PXMP2: variants seen among roughly 807,000 people sequenced by gnomAD.
PXMP2 encodes the protein peroxisomal membrane protein 2.
PXMP2 carries 13 observed loss-of-function variants against 20.2 expected under a neutral mutation model. The ratio of observed to expected loss-of-function variants is 0.64; its 90% CI spans 0.42 to 1.02. The LOEUF (loss-of-function observed/expected upper bound fraction) is 1.02, where lower values mean the gene tolerates loss of function less well. Ranked by LOEUF, PXMP2 falls within the 50% of genes least tolerant of loss-of-function variation. The pLI, the probability that PXMP2 is intolerant of heterozygous loss-of-function variation, is 0.00. For synonymous variants in PXMP2, 113 were observed against 111.2 expected (o/e 1.02, Z -0.10); for missense variants, 284 against 251.8 (o/e 1.13, Z -0.87).
In PXMP2 at chr12:132,701,266, C is replaced by T. The variant is rs1467836509; in HGVS notation, c.416C>T (p.Ala139Val). Residue 139 changes from alanine to valine, a missense_variant, in exon 4 of 5, where the codon GCC (alanine) becomes GTC (valine). Coordinates refer to ENST00000317479, the MANE Select transcript of PXMP2 (RefSeq NM_018663.3). The stretch of plus-strand genomic sequence containing the variant: ...CCTTTGCAGGGGAAAGACGCCTCAG[C>T]CTTCGCCGCCAAGATGAGGGGGGGC... ...MNFLEGKDAS[A>V]FAAKMRGGFW... The T allele has an allele frequency of 1.2e-5, 20 of 1,613,434 alleles. No homozygotes were observed. The highest frequency in any genetic ancestry group is 1.7e-5 in the Admixed American group (1 of 59,870).
At position 132,692,344 on chromosome 12, in the gene PXMP2, C is replaced by T. The variant is rs1423977088; in HGVS notation, c.236+1968C>T. Reference sequence around the variant, plus strand: ...CCCTTAGCCAGTTAGTTAGTGAGCGCCCTTAGCCAGTTAGTTAGTGAGCTC... The same window carrying T: ...CCCTTAGCCAGTTAGTTAGTGAGCGTCCTTAGCCAGTTAGTTAGTGAGCTC... On this transcript the variant is annotated intron_variant, in intron 2 of 4. Coordinates refer to ENST00000317479, the MANE Select transcript of PXMP2 (RefSeq NM_018663.3). 9.6e-5 allele frequency among the ~76,000 whole-genome samples: 12 copies of T among 124,988 alleles called. 1 individual carries two copies. The highest frequency in any genetic ancestry group is 3.9e-4 in the Admixed American group (5 of 12,982). The allele number at this position is 124,988 out of a possible 152,430, so 82.0% of individuals were successfully genotyped here.
chr12:132,704,731 G>T lies in PXMP2; in HGVS notation c.*44G>T. On this transcript the variant is annotated 3_prime_UTR_variant, in exon 5 of 5. Transcript: ENST00000317479. Reference sequence around the variant, plus strand: ...CAGGTGCACTGTGGACGTGGGTCTGGGGGTCTCACCCGCCCAGCGAGAGCA... The same window carrying T: ...CAGGTGCACTGTGGACGTGGGTCTGTGGGTCTCACCCGCCCAGCGAGAGCA... The T allele has an allele frequency of 6.3e-7, 1 of 1,577,514 alleles. No individual in the cohort carries two copies. Among genetic ancestry groups the T allele is most frequent in the Non-Finnish European group, 8.7e-7 (1 of 1,152,840 alleles).
intron 3 of PXMP2, among the ~76,000 whole-genome samples, chr12:132,697,726 C>T (rs1423140200): frequency 2.6e-5 from 4 of 151,994 alleles, no homozygotes; most frequent in African/African-American, 7.3e-5. Context: ...TTATAGATTA[C>T]AAAACATTCT....
chr12:132,703,127 G>A (rs1593110542), intron 4 of PXMP2, among the ~76,000 whole-genome samples: 1 of 152,176 alleles, frequency 6.6e-6, no homozygotes, highest in East Asian at 1.9e-4. Flanking sequence ...CACAAGTCTA[G>A]AACATGCTCT....
intron 2 of PXMP2, among the ~76,000 whole-genome samples, chr12:132,692,590 C>T (rs1485114976): frequency 2.1e-5 from 3 of 140,782 alleles, no homozygotes; most frequent in African/African-American, 5.5e-5. Context: ...TAGTGAGCGC[C>T]CTTGCCAGTT....
At position 132,696,807 on chromosome 12, in the gene PXMP2, A is replaced by AAAAAC. The variant is rs1358190007; in HGVS notation, c.399+775_399+779dup. 1.3e-5 allele frequency among the ~76,000 whole-genome samples: 2 copies of AAAAAC among 151,998 alleles called. No individual in the cohort carries two copies. Among genetic ancestry groups the AAAAAC allele is most frequent in the Non-Finnish European group, 1.5e-5 (1 of 67,958 alleles). ...AGAGCCAGACTCCGTCTCAAAAACA[A>AAAAAC]AAAACAAAACAAAACAAATTAGCCA... On this transcript the variant is annotated intron_variant, in intron 3 of 4. Transcript: ENST00000317479. This position sits in a 1 kb window ranked among gnomAD's most constrained non-coding sequence, Gnocchi z 4.4.
chr12:132,692,877 T>TA (rs1258482745), intron 2 of PXMP2, among the ~76,000 whole-genome samples: 7 of 85,268 alleles, frequency 8.2e-5, no homozygotes, highest in African/African-American at 2.7e-4. Flanking sequence ...TGAGCTCCCT[T>TA]GCCAGTTAGT....
intron 2 of PXMP2, among the ~76,000 whole-genome samples, chr12:132,691,852 A>G (rs1207712099): frequency 6.6e-6 from 1 of 152,272 alleles, no homozygotes; most frequent in African/African-American, 2.4e-5. Flanking sequence ...ATGGAACTGC[A>G]GGCCTCTTGT....
intron 3 of PXMP2, among the ~76,000 whole-genome samples, chr12:132,700,863 T>C (rs1478945070): frequency 6.6e-6 from 1 of 151,616 alleles, no homozygotes; most frequent in Non-Finnish European, 1.5e-5. Flanking sequence ...TTTTTTTTTT[T>C]CATAACTCCT....
chr12:132,687,875 C>T lies in PXMP2; in HGVS notation c.122+83C>T, dbSNP rs1008901470. ...CGGGGCCTGGACGGGAGCGCCGGGC[C>T]GGGACCAGGCTGGGGGCGCGCCCGG... On this transcript the variant is annotated intron_variant, in intron 1 of 4. Transcript: ENST00000317479. 5 of 1,079,660 alleles carry T rather than the reference C, an allele frequency of 4.6e-6. No homozygotes were observed. In the African/African-American group the frequency reaches 5.1e-5, roughly 11 times the overall value. The allele number at this position is 1,079,660 out of a possible 1,614,324, so 66.9% of individuals were successfully genotyped here. A position where few individuals can be genotyped will look rare whatever the true frequency, so the allele number is the denominator to read the frequency against.
intron 2 of PXMP2, among the ~76,000 whole-genome samples, chr12:132,695,070 A>T (rs2043403002): frequency 6.7e-6 from 1 of 149,540 alleles, no homozygotes; most frequent in Non-Finnish European, 1.5e-5. Flanking sequence ...CTTGCCAGTT[A>T]GTTAGTGAGC....
intron 4 of PXMP2, 45 bp downstream of exon 4, chr12:132,701,414 C>T: frequency 6.2e-7 from 1 of 1,600,398 alleles, no homozygotes. Context: ...ACTTTGTCAG[C>T]CTTTTCCTTC....
intron 4 of PXMP2, chr12:132,702,285 G>A (rs1593110209): frequency 1.2e-5 from 2 of 168,446 alleles, no homozygotes; most frequent in East Asian, 1.9e-4. Flanking sequence ...AAGGCCTTCT[G>A]GGTAAGCTGA....
chr12:132,692,016 G>C (rs2043370201), intron 2 of PXMP2, among the ~76,000 whole-genome samples: 1 of 151,154 alleles, frequency 6.6e-6, no homozygotes, highest in East Asian at 1.9e-4. Flanking sequence ...ACCCTTGCCA[G>C]TTAGTTAGTG....
At chr12:132,690,168 T>C in intron 1 of PXMP2, 95 bp from the exon 2 acceptor site, 1 of 924,696 alleles carries the variant, frequency 1.1e-6, no homozygotes, top group Non-Finnish European at 1.7e-6. Context: ...GCCCATCTGC[T>C]GCATGGCCTC....
Position 132,694,802 on chromosome 12 carries a change from CAGTT to C in PXMP2, c.237-1074_237-1071del, listed in dbSNP as rs200210036. On this transcript the variant is annotated intron_variant, in intron 2 of 4. Coordinates refer to ENST00000317479, the MANE Select transcript of PXMP2 (RefSeq NM_018663.3). ...CCAGTTAGTTAGTGAGCGCCCTTGC[CAGTT>C]AGTTAGTGAGCGCCCTTAGCCAGTT... 1.9e-3 allele frequency among the ~76,000 whole-genome samples: 272 copies of C among 143,648 alleles called. 1 individual carries two copies. The highest frequency in any genetic ancestry group is 4.0e-3 in the Admixed American group (56 of 13,916). 94.2% of individuals were successfully genotyped at this position (143,648 alleles called of 152,430 possible).
At chr12:132,697,393 T>TTTTTTTTA (rs2043416363) in intron 3 of PXMP2, among the ~76,000 whole-genome samples, 1 of 150,018 alleles carries the variant, frequency 6.7e-6, no homozygotes, top group South Asian at 2.1e-4. Flanking sequence ...TGTAGTCCTA[T>TTTTTTTTA]TTTATTTATT....
At chr12:132,693,031 G>T (rs1340811608) in intron 2 of PXMP2, among the ~76,000 whole-genome samples, 5 of 58,062 alleles carry the variant, frequency 8.6e-5, no homozygotes, top group Admixed American at 3.2e-4. Flanking sequence ...TTAAGTGAGC[G>T]CCCTTAGCCA....
chr12:132,701,286 G>T lies in PXMP2; in HGVS notation c.436G>T (p.Gly146Trp). ...CTCAGCCTTCGCCGCCAAGATGAGG[G>T]GGGGCTTCTGGCCGGCGCTGAGGAT... ...DASAFAAKMR[G>W]GFWPALRMNW... Residue 146 changes from glycine (G) to tryptophan (W), a missense_variant, in exon 4 of 5, where the codon GGG (glycine) becomes TGG (tryptophan). Physicochemically the swap from Gly to Trp is radical, Grantham distance 184. Transcript: ENST00000317479. The T allele has an allele frequency of 6.2e-7, 1 of 1,612,972 alleles. No individual in the cohort carries two copies. The highest frequency in any genetic ancestry group is 8.5e-7 in the Non-Finnish European group (1 of 1,179,678).
Sources: gnomAD v4.1 joint callset for allele counts (sites outside exome capture counted in the v4.1 genomes callset) on GRCh38, gnomAD v4.1.1 for gene constraint, Gnocchi (gnomAD v3.1) non-coding constraint, MANE v1.5 for transcripts, NCBI Gene and HGNC (gene_info 2026-07-23, HGNC 2026-07-21) for gene names.